GRID2: variants seen among roughly 807,000 people sequenced by gnomAD.
GRID2 encodes the protein glutamate ionotropic receptor delta type subunit 2.
GRID2 carries 33 observed loss-of-function variants against 114.8 expected under a neutral mutation model. The observed-to-expected ratio is 0.29, with a 90% CI of 0.22 to 0.38. The LOEUF (loss-of-function observed/expected upper bound fraction) is 0.38, where lower values mean the gene tolerates loss of function less well. Ranked by LOEUF, GRID2 falls within the 10% of genes least tolerant of loss-of-function variation. The probability of loss-of-function intolerance (pLI) is 1.00; values close to 1 mark genes in which losing one functional copy is unlikely to be tolerated. For missense variants in GRID2, 1,184 were observed against 1,257.7 expected (o/e 0.94, Z 0.89); for synonymous variants, 505 against 449.9 (o/e 1.12, Z -1.55).
chr4:92,929,287 G>A (rs1184490416), intron 2 of GRID2, among the ~76,000 whole-genome samples: 1 of 150,772 alleles, frequency 6.6e-6, no homozygotes, highest in South Asian at 2.1e-4. Context: ...TTTGAATGAA[G>A]GTAAACATAT....
At chr4:93,520,596 G>A (rs1279521988) in intron 13 of GRID2, among the ~76,000 whole-genome samples, 1 of 152,114 alleles carries the variant, frequency 6.6e-6, no homozygotes, top group Non-Finnish European at 1.5e-5. Context: ...AGGTTGCACA[G>A]AGAGGGGGTT....
At chr4:92,624,216 A>G (rs952054863) in intron 2 of GRID2, among the ~76,000 whole-genome samples, 2 of 151,914 alleles carry the variant, frequency 1.3e-5, no homozygotes, top group African/African-American at 4.8e-5. Flanking sequence ...AGTATACACA[A>G]GAAACTTAAG....
At chr4:93,686,145 G>A (rs1476951454) in intron 14 of GRID2, among the ~76,000 whole-genome samples, 4 of 151,762 alleles carry the variant, frequency 2.6e-5, no homozygotes, top group East Asian at 3.9e-4. Context: ...TCTACGTCTC[G>A]TATTCTCTTT....
chr4:93,517,978 C>T (rs200098769), intron 13 of GRID2, among the ~76,000 whole-genome samples: 7,601 of 36,732 alleles, frequency 0.21, 429 homozygotes, highest in East Asian at 0.25. Flanking sequence ...CATACATGTA[C>T]ATGTATGTAT....
intron 14 of GRID2, among the ~76,000 whole-genome samples, chr4:93,662,582 A>G (rs1248993173): frequency 2.6e-5 from 4 of 152,126 alleles, no homozygotes; most frequent in Non-Finnish European, 5.9e-5. Context: ...TCTTGATCAG[A>G]CTCAGTAAAG....
intron 10 of GRID2, among the ~76,000 whole-genome samples, chr4:93,441,019 CT>C (rs952607574): frequency 6.6e-6 from 1 of 152,010 alleles, no homozygotes; most frequent in Non-Finnish European, 1.5e-5. Context: ...ACAAACAAAA[CT>C]TCAGTAAAAT....
At chr4:93,677,484 G>A (rs1463757043) in intron 14 of GRID2, among the ~76,000 whole-genome samples, 3 of 152,178 alleles carry the variant, frequency 2.0e-5, no homozygotes, top group Admixed American at 6.5e-5. Context: ...TCCTCAAGTG[G>A]GTCCCTGACC....
At chr4:92,790,796 C>A (rs1009922353) in intron 2 of GRID2, among the ~76,000 whole-genome samples, 2 of 149,048 alleles carry the variant, frequency 1.3e-5, no homozygotes, top group Non-Finnish European at 3.0e-5. Flanking sequence ...GTAAATGTAT[C>A]TTTCATAAAT....
chr4:92,792,286 C>T (rs927106106), intron 2 of GRID2, among the ~76,000 whole-genome samples: 2 of 151,752 alleles, frequency 1.3e-5, no homozygotes, highest in South Asian at 2.1e-4. Context: ...CATAAGGTCA[C>T]GTGAAGTTCA....
chr4:92,366,084 TG>T (rs1161225500), intron 1 of GRID2, among the ~76,000 whole-genome samples: 1 of 152,114 alleles, frequency 6.6e-6, no homozygotes, highest in Non-Finnish European at 1.5e-5. Flanking sequence ...ATAGACACTA[TG>T]TCTTTTTTAT....
chr4:93,152,834 G>T (rs1194556194), intron 4 of GRID2, among the ~76,000 whole-genome samples: 13 of 151,918 alleles, frequency 8.6e-5, no homozygotes, highest in Non-Finnish European at 1.8e-4. Flanking sequence ...AAAGGTGTTC[G>T]GCAGTTATAA....
At chr4:92,549,122 C>T (rs1399554346) in intron 1 of GRID2, among the ~76,000 whole-genome samples, 1 of 112,024 alleles carries the variant, frequency 8.9e-6, no homozygotes, top group Non-Finnish European at 1.9e-5. Context: ...AGGTCTTCCG[C>T]AAAAAAAAAA....
chr4:93,372,446 T>C (rs1763019393), intron 8 of GRID2, among the ~76,000 whole-genome samples: 1 of 152,170 alleles, frequency 6.6e-6, no homozygotes, highest in African/African-American at 2.4e-5. Context: ...CATGTTGGTT[T>C]CTCCTTTCTT....
chr4:93,361,028 A>C (rs868562661), intron 8 of GRID2, among the ~76,000 whole-genome samples: 4 of 151,998 alleles, frequency 2.6e-5, no homozygotes, highest in Admixed American at 1.3e-4. Flanking sequence ...ATTCTATTTT[A>C]TCTAATATAA....
intron 1 of GRID2, among the ~76,000 whole-genome samples, chr4:92,482,392 G>T (rs1274808716): frequency 6.6e-6 from 1 of 151,334 alleles, no homozygotes; most frequent in Non-Finnish European, 1.5e-5. Context: ...TCACTACCGG[G>T]GTGCAATATA....
intron 14 of GRID2, among the ~76,000 whole-genome samples, chr4:93,673,149 A>C (rs1345441190): frequency 6.6e-6 from 1 of 152,144 alleles, no homozygotes; most frequent in Non-Finnish European, 1.5e-5. Context: ...TATATTAATT[A>C]TCTAGGTTAT....
At chr4:93,061,342 T>C (rs1019825141) in intron 2 of GRID2, among the ~76,000 whole-genome samples, 1 of 151,764 alleles carries the variant, frequency 6.6e-6, no homozygotes, top group African/African-American at 2.4e-5. Context: ...ATGTCTCTTA[T>C]TTGGGGACCA....
chr4:93,039,406 A>G lies in GRID2; in HGVS notation c.245-45589A>G, dbSNP rs549346436. ...TGGGTGCAGCATACCACCATGGCAC[A>G]TGTATACCTATTTAACAAACCTGCA... is the stretch of plus-strand genomic sequence containing the variant. On this transcript the variant is annotated intron_variant, in intron 2 of 15. Coordinates refer to ENST00000282020, the MANE Select transcript of GRID2 (RefSeq NM_001510.4). 4.8e-4 allele frequency among the ~76,000 whole-genome samples: 73 copies of G among 152,282 alleles called. No individual in the cohort carries two copies. The South Asian group carries it at 7.7e-3, about 16-fold the overall frequency.
At chr4:93,745,524 C>G (rs1056072805) in intron 14 of GRID2, among the ~76,000 whole-genome samples, 3 of 151,902 alleles carry the variant, frequency 2.0e-5, no homozygotes, top group Non-Finnish European at 4.4e-5. Flanking sequence ...ATAAGAGTAC[C>G]AAAGGGCAGT....
Sources: allele counts gnomAD v4.1 joint callset (sites outside exome capture counted in the v4.1 genomes callset), GRCh38; gene constraint gnomAD v4.1.1; transcripts MANE v1.5; gene names NCBI Gene and HGNC (gene_info 2026-07-23, HGNC 2026-07-21).